NR3C2: variants seen among roughly 807,000 people sequenced by gnomAD.
NR3C2 encodes mineralocorticoid receptor.
In NR3C2, 15 loss-of-function variants were observed where a neutral mutation model predicts 86.4. That is an observed-to-expected ratio of 0.17 (90% CI 0.12 to 0.27). The LOEUF (loss-of-function observed/expected upper bound fraction) is 0.27, where lower values mean the gene tolerates loss of function less well. Among genes scored for constraint, NR3C2 ranks in the 10% least tolerant of loss-of-function variants. The probability of loss-of-function intolerance (pLI) is 1.00; values close to 1 mark genes in which losing one functional copy is unlikely to be tolerated. For missense variants in NR3C2, 960 were observed against 1,195.6 expected (o/e 0.80, Z 2.91); for synonymous variants, 458 against 450.5 (o/e 1.02, Z -0.21).
At chr4:148,113,070 C>T (rs965575946) in intron 8 of NR3C2, among the ~76,000 whole-genome samples, 1 of 152,110 alleles carries the variant, frequency 6.6e-6, no homozygotes, top group Non-Finnish European at 1.5e-5. Context: ...CAAAATAAAA[C>T]AAGAAGCATA....
intron 3 of NR3C2, among the ~76,000 whole-genome samples, chr4:148,196,664 A>G (rs989048258): frequency 6.6e-6 from 1 of 152,226 alleles, no homozygotes; most frequent in Non-Finnish European, 1.5e-5. Flanking sequence ...AAAATAATTT[A>G]ATCTAAAGTA....
intron 3 of NR3C2, among the ~76,000 whole-genome samples, chr4:148,255,485 C>T (rs1579072056): frequency 6.6e-6 from 1 of 152,194 alleles, no homozygotes; most frequent in African/African-American, 2.4e-5. Flanking sequence ...TAAGTCTCTT[C>T]CTTCAAGGGA....
chr4:148,187,921 T>G (rs891408707), intron 4 of NR3C2, among the ~76,000 whole-genome samples: 5 of 152,208 alleles, frequency 3.3e-5, no homozygotes, highest in African/African-American at 9.6e-5. Context: ...AGGATCCAGT[T>G]TCATTCTCCT....
At chr4:148,344,224 GTTTTTTAAACTTT>G in intron 2 of NR3C2, among the ~76,000 whole-genome samples, 1 of 152,070 alleles carries the variant, frequency 6.6e-6, no homozygotes, top group East Asian at 1.9e-4. Flanking sequence ...AATAGCTAGA[GTTTTTTAAACTTT>G]CTGAAAATAC....
At position 148,345,247 on chromosome 4, in the gene NR3C2, G is replaced by GT. The variant is rs201674976; in HGVS notation, c.1758-85131dup. 1.9e-3 allele frequency among the ~76,000 whole-genome samples: 285 copies of GT among 151,354 alleles called. 1 individual carries two copies. The highest frequency in any genetic ancestry group is 6.1e-3 in the African/African-American group (252 of 41,272). On this transcript the variant is annotated intron_variant, in intron 2 of 8. Transcript: ENST00000358102. ...TGGAAAACACTGGATATTTTAGTTA[G>GT]TTTTTTTTTAATTTCAGAGAGAGAC...
rs1734144694 is a variant in NR3C2 at position 148,152,438 on chromosome 4, AT to A, written c.2510+30del. ...ATCATAACGCATAACTCTGCAGTTT[AT>A]TTTATGAAGGCTAATTAATAGGTAC... On this transcript the variant is annotated intron_variant, in intron 6 of 8. Transcript: ENST00000358102. 3 of 1,606,430 alleles carry A rather than the reference AT, an allele frequency of 1.9e-6. No individual in the cohort carries two copies. The East Asian group carries it at 6.7e-5, about 36-fold the overall frequency.
chr4:148,345,355 T>A (rs959771065), intron 2 of NR3C2, among the ~76,000 whole-genome samples: 1 of 151,980 alleles, frequency 6.6e-6, no homozygotes, highest in Non-Finnish European at 1.5e-5. Context: ...GAGGTGGCAA[T>A]GTTGTATTTC....
chr4:148,176,658 T>G (rs186714138), intron 4 of NR3C2, among the ~76,000 whole-genome samples: 1 of 152,346 alleles, frequency 6.6e-6, no homozygotes, highest in East Asian at 1.9e-4. Context: ...GCTTATCAGA[T>G]CTATAATAAA....
chr4:148,223,751 G>A (rs1307171057), intron 3 of NR3C2, among the ~76,000 whole-genome samples: 1 of 152,136 alleles, frequency 6.6e-6, no homozygotes, highest in Non-Finnish European at 1.5e-5. Flanking sequence ...AAAGAACAAA[G>A]GTGAGAGATG....
chr4:148,339,409 G>T (rs578051714), intron 2 of NR3C2, among the ~76,000 whole-genome samples: 1 of 152,226 alleles, frequency 6.6e-6, no homozygotes, highest in Non-Finnish European at 1.5e-5. Flanking sequence ...TCCTTTAGTA[G>T]CTAAACATTA....
intron 6 of NR3C2, among the ~76,000 whole-genome samples, chr4:148,123,436 G>C (rs771057007): frequency 6.6e-6 from 1 of 152,226 alleles, no homozygotes; most frequent in Middle Eastern, 3.4e-3. Context: ...TGTGATCTTT[G>C]TTAGCCCCTT....
At chr4:148,324,357 GTGTGTGTGTT>G (rs754675966) in intron 2 of NR3C2, among the ~76,000 whole-genome samples, 6,464 of 76,942 alleles carry the variant, frequency 0.084, 177 homozygotes, top group East Asian at 0.27. Flanking sequence ...GTGTGTGTGT[GTGTGTGTGTT>G]TGTGTGTGTG....
At chr4:148,134,639 C>CTTTTTTTTTTTTTTTTTTT (rs1560938861) in intron 6 of NR3C2, among the ~76,000 whole-genome samples, 1 of 58,056 alleles carries the variant, frequency 1.7e-5, no homozygotes, top group Non-Finnish European at 3.7e-5. Context: ...CTCTCTCTCT[C>CTTTTTTTTTTTTTTTTTTT]TCTCTTTTTT....
intron 2 of NR3C2, among the ~76,000 whole-genome samples, chr4:148,267,644 A>G (rs1334859309): frequency 6.6e-6 from 1 of 152,204 alleles, no homozygotes; most frequent in African/African-American, 2.4e-5. Flanking sequence ...TCTTCTAAGA[A>G]TTCTGGCTCC....
At chr4:148,142,419 C>A (rs1363424704) in intron 6 of NR3C2, among the ~76,000 whole-genome samples, 1 of 152,096 alleles carries the variant, frequency 6.6e-6, no homozygotes, top group Non-Finnish European at 1.5e-5. Flanking sequence ...CCCTCTAAGT[C>A]TCATGTTAAA....
intron 3 of NR3C2, among the ~76,000 whole-genome samples, chr4:148,196,672 G>A (rs1736455453): frequency 6.6e-6 from 1 of 152,114 alleles, no homozygotes. Flanking sequence ...TTAATCTAAA[G>A]TATATTCTCT....
intron 2 of NR3C2, among the ~76,000 whole-genome samples, chr4:148,395,622 G>A (rs1747820462): frequency 6.6e-6 from 1 of 152,170 alleles, no homozygotes. Flanking sequence ...CAGGCTATTA[G>A]AGCTTATTTG....
chr4:148,410,212 G>A (rs565145499), intron 2 of NR3C2, among the ~76,000 whole-genome samples: 1 of 152,306 alleles, frequency 6.6e-6, no homozygotes, highest in East Asian at 1.9e-4. Flanking sequence ...AATGTAAGTT[G>A]TAATCAAATG....
At chr4:148,105,520 A>C (rs1000567927) in intron 8 of NR3C2, among the ~76,000 whole-genome samples, 9 of 152,204 alleles carry the variant, frequency 5.9e-5, no homozygotes, top group Non-Finnish European at 1.3e-4. Flanking sequence ...TCTGTAACTC[A>C]TTTTTATGAG....
Sources: gnomAD v4.1 joint callset for allele counts (sites outside exome capture counted in the v4.1 genomes callset) on GRCh38, gnomAD v4.1.1 for gene constraint, MANE v1.5 for transcripts, NCBI Gene and HGNC (gene_info 2026-07-23, HGNC 2026-07-21) for gene names.